Variants in COL4A3 observed in about 807,000 individuals in gnomAD.
COL4A3 encodes the protein collagen alpha-3(IV) chain.
Under a neutral mutation model 217.4 loss-of-function variants are expected in COL4A3, and 135 were observed. The ratio of observed to expected loss-of-function variants is 0.62; its 90% confidence interval spans 0.54 to 0.72. COL4A3 has a LOEUF of 0.72. COL4A3 is among the 30% of genes least tolerant of loss of function. COL4A3 has a pLI of 0.00. For missense variants in COL4A3, 1,868 were observed against 2,119.9 expected, an observed-to-expected ratio of 0.88 and a Z score of 2.33; for synonymous variants, 690 against 736.3, an observed-to-expected ratio of 0.94 and a Z score of 1.02.
chr2:227,171,970 A>C (rs550337287), intron 1 of COL4A3, among the ~76,000 whole-genome samples: 3 of 152,120 alleles, frequency 2.0e-5, no homozygotes, highest in Non-Finnish European at 4.4e-5. Context: ...GGCTGTCCGC[A>C]TGCGCAGTGG....
At chr2:227,310,715 G>A (rs1390810624) in intron 50 of COL4A3, 61 bp from the exon 51 acceptor site, 7 of 1,423,094 alleles carry the variant, frequency 4.9e-6, no homozygotes, top group Non-Finnish European at 6.9e-6. Context: ...AAAAAGTAGA[G>A]AATTGAAAAT....
rs534671726 is a variant in COL4A3 at position 227,265,904 on chromosome 2, C to A, written c.1316-513C>A. The A allele has an allele frequency of 4.4e-5, 7 of 158,746 alleles. No individual in the cohort carries two copies. In the South Asian group the frequency reaches 1.1e-3, roughly 25 times the overall value. 9.8% of individuals were successfully genotyped at this position (158,746 alleles called of 1,614,324 possible). ...GTGGCAGAAGCAGAAGCAAACATGT[C>A]CTTCTTCACATGATGGCAACATGGA... is the stretch of plus-strand genomic sequence containing the variant. On this transcript the variant is annotated intron_variant, in intron 21 of 51. Coordinates refer to ENST00000396578, the MANE Select transcript of COL4A3 (RefSeq NM_000091.5).
intron 20 of COL4A3, among the ~76,000 whole-genome samples, chr2:227,262,653 C>T (rs4673186): frequency 0.78 from 118,568 of 152,130 alleles, 46,286 homozygotes; most frequent in East Asian, 0.88. Context: ...GTGTGGCTAC[C>T]GCAAATGGGA....
chr2:227,217,348 C>T (rs777833873), intron 1 of COL4A3, among the ~76,000 whole-genome samples: 2 of 152,208 alleles, frequency 1.3e-5, no homozygotes, highest in Non-Finnish European at 2.9e-5. Context: ...ACCATATCAG[C>T]GACCTTACCT....
At chr2:227,199,869 G>T (rs546592626) in intron 1 of COL4A3, among the ~76,000 whole-genome samples, 3 of 152,334 alleles carry the variant, frequency 2.0e-5, no homozygotes, top group East Asian at 3.9e-4. Context: ...CCGAAGGATG[G>T]ATCGTGCCTC....
intron 4 of COL4A3, chr2:227,244,730 C>G: frequency 6.9e-6 from 5 of 723,568 alleles, no homozygotes; most frequent in South Asian, 4.6e-5. Context: ...TCCAAAAAAG[C>G]CAAAAATAAT....
rs749589880 is a variant in COL4A3 at position 227,310,849 on chromosome 2, C to A, written c.4829C>A (p.Ala1610Asp). 1 of 1,614,178 alleles carries A rather than the reference C, an allele frequency of 6.2e-7. No homozygotes were observed. The highest frequency in any genetic ancestry group is 8.5e-7 in the Non-Finnish European group (1 of 1,180,014). Residue 1610 changes from alanine to aspartate, a missense_variant, in exon 51 of 52, where the codon GCC becomes GAC. Ala to Asp is a moderately radical substitution (Grantham distance 126). Transcript: ENST00000396578. ...SPGSCLEEFR[A>D]SPFLECHGRG... ...GGCTCCTGCCTGGAAGAATTCCGAG[C>A]CAGCCCATTTCTAGAATGTCATGGA... is the stretch of plus-strand genomic sequence containing the variant.
At chr2:227,177,034 A>G (rs968907316) in intron 1 of COL4A3, among the ~76,000 whole-genome samples, 6 of 152,180 alleles carry the variant, frequency 3.9e-5, no homozygotes, top group African/African-American at 1.4e-4. Flanking sequence ...TTACCCAAAG[A>G]GGATTACTGG....
rs2125961866 is a variant in COL4A3 at position 227,261,092 on chromosome 2, TC to T, written c.1131del (p.Gly378GlufsTer22). 2 of 1,611,676 alleles carry T rather than the reference TC, an allele frequency of 1.2e-6. No homozygotes were observed. Among genetic ancestry groups the T allele is most frequent in the Non-Finnish European group, 1.7e-6 (2 of 1,177,766 alleles). On this transcript the variant is annotated frameshift_variant, in exon 20 of 52. Coordinates refer to ENST00000396578, the MANE Select transcript of COL4A3 (RefSeq NM_000091.5). LOFTEE classifies it high-confidence loss of function. Reference protein sequence around the residue: ...GARGPQGPSGPPGVPGSPGSS... With the variant: ...GARGPQGPSGXPGVPGSPGSS... The stretch of plus-strand genomic sequence containing the variant: ...GTTATATATTCCCAGGTCCCAGTGG[TC>T]CCCCCGGAGTTCCTGGAAGTCCTGG...
At chr2:227,290,314 A>C (rs1478932074) in intron 36 of COL4A3, among the ~76,000 whole-genome samples, 1 of 152,234 alleles carries the variant, frequency 6.6e-6, no homozygotes, top group Non-Finnish European at 1.5e-5. Flanking sequence ...CCTGGCCAAC[A>C]TGGCGAAACC....
chr2:227,217,477 C>G (rs1045315547), intron 1 of COL4A3, among the ~76,000 whole-genome samples: 1 of 152,146 alleles, frequency 6.6e-6, no homozygotes, highest in African/African-American at 2.4e-5. Flanking sequence ...CAATGTTAAC[C>G]TGACTGTAGT....
intron 2 of COL4A3, among the ~76,000 whole-genome samples, chr2:227,239,123 TA>T (rs1170945848): frequency 2.6e-5 from 4 of 152,018 alleles, no homozygotes; most frequent in African/African-American, 9.7e-5. Context: ...TGTTGAAGAG[TA>T]CAGTCGGCCC....
chr2:227,222,174 T>TAATAATAATAATAAA (rs773760137), intron 1 of COL4A3, among the ~76,000 whole-genome samples: 4 of 113,168 alleles, frequency 3.5e-5, no homozygotes, highest in South Asian at 3.0e-4. Context: ...ATGATAATGA[T>TAATAATAATAATAAA]AATAAAAAGC....
intron 50 of COL4A3, among the ~76,000 whole-genome samples, chr2:227,310,514 C>T (rs1559924641): frequency 1.3e-5 from 2 of 152,196 alleles, no homozygotes; most frequent in Admixed American, 6.5e-5. Context: ...CATGATTTCA[C>T]TATGTTGGCC....
chr2:227,195,432 C>T (rs565213685), intron 1 of COL4A3, among the ~76,000 whole-genome samples: 7 of 152,108 alleles, frequency 4.6e-5, no homozygotes, highest in Non-Finnish European at 8.8e-5. Flanking sequence ...AAGCTGAAAA[C>T]TCCTATAGAC....
At position 227,303,260 on chromosome 2, in the gene COL4A3, A is replaced by G. The variant is rs545104390; in HGVS notation, c.3955+150A>G. 1.1e-4 allele frequency: 73 copies of G among 682,638 alleles called. 1 individual carries two copies. In the South Asian group the frequency reaches 1.2e-3, roughly 11 times the overall value. 42.3% of individuals were successfully genotyped at this position (682,638 alleles called of 1,614,324 possible). A position where few individuals can be genotyped will look rare whatever the true frequency, so the allele number is the denominator to read the frequency against. On this transcript the variant is annotated intron_variant, in intron 44 of 51. Transcript: ENST00000396578. ...TGAAGTAGGAAGGCTCCACTACACTATTTCAAGATTCTTTGAAATAGAGTA... is the reference window on the plus strand; with the variant it reads ...TGAAGTAGGAAGGCTCCACTACACTGTTTCAAGATTCTTTGAAATAGAGTA...
intron 43 of COL4A3, among the ~76,000 whole-genome samples, chr2:227,300,338 A>T (rs1553764746): frequency 6.6e-6 from 1 of 152,126 alleles, no homozygotes; most frequent in Non-Finnish European, 1.5e-5. Flanking sequence ...ACTGCTACTA[A>T]GTTTTCTCCA....
At chr2:227,244,283 CAG>C (rs1348157684) in intron 3 of COL4A3, 35 bp from the exon 4 acceptor site, 8 of 1,600,920 alleles carry the variant, frequency 5.0e-6, no homozygotes, top group Admixed American at 1.7e-5. Context: ...AAATAATTTT[CAG>C]AGTGTTTACT....
At chr2:227,293,435 C>G (rs1363541629) in intron 38 of COL4A3, 118 bp downstream of exon 38, 1 of 1,146,046 alleles carries the variant, frequency 8.7e-7, no homozygotes, top group African/African-American at 1.5e-5. Flanking sequence ...TGCTTTTATT[C>G]AACTTTGAAC....
Sources: gnomAD v4.1 joint callset for allele counts (sites outside exome capture counted in the v4.1 genomes callset) on GRCh38, gnomAD v4.1.1 for gene constraint, MANE v1.5 for transcripts, NCBI Gene and HGNC (gene_info 2026-07-23, HGNC 2026-07-21) for gene names.